The following KAZN variants were observed in gnomAD, a reference collection of about 807,000 sequenced individuals.
KAZN encodes kazrin.
A neutral mutation model predicts 87.4 loss-of-function variants in KAZN; 40 were observed. The observed-to-expected ratio is 0.46, with a 90% CI of 0.36 to 0.60. The LOEUF is 0.60. Ranked by LOEUF, KAZN falls within the 20% of genes least tolerant of loss-of-function variation. The pLI is 0.00. For synonymous variants in KAZN, 466 were observed against 458.3 expected, an observed-to-expected ratio of 1.02 and a Z score of -0.22; for missense variants, 898 against 1,073.9, an observed-to-expected ratio of 0.84 and a Z score of 2.29.
At chr1:15,031,319 C>T (rs1181136615) in intron 2 of KAZN, among the ~76,000 whole-genome samples, 1 of 152,244 alleles carries the variant, frequency 6.6e-6, no homozygotes, top group Non-Finnish European at 1.5e-5. Context: ...CCCACCACCA[C>T]CTCCACAACT....
At chr1:14,268,230 G>T (rs1203110627) in intron 2 of KAZN, among the ~76,000 whole-genome samples, 1 of 152,186 alleles carries the variant, frequency 6.6e-6, no homozygotes, top group African/African-American at 2.4e-5. Flanking sequence ...GAAGATATTT[G>T]CACAGTGCCT....
chr1:14,388,481 C>T (rs370212811), intron 2 of KAZN, among the ~76,000 whole-genome samples: 2 of 152,128 alleles, frequency 1.3e-5, no homozygotes, highest in South Asian at 2.1e-4. Context: ...GTAGCCAAAA[C>T]AGTACAGTAC....
intron 2 of KAZN, among the ~76,000 whole-genome samples, chr1:14,507,056 T>C (rs1670622957): frequency 6.6e-6 from 1 of 152,212 alleles, no homozygotes; most frequent in African/African-American, 2.4e-5. Flanking sequence ...TTTGCCTTCT[T>C]CCACAATCTG....
chr1:13,958,031 T>C (rs1208359531), intron 1 of KAZN, among the ~76,000 whole-genome samples: 1 of 152,210 alleles, frequency 6.6e-6, no homozygotes, highest in African/African-American at 2.4e-5. Flanking sequence ...GGTTATTGAA[T>C]AGGCATGTGC....
intron 1 of KAZN, among the ~76,000 whole-genome samples, chr1:14,919,444 T>A (rs139727676): frequency 6.6e-4 from 100 of 152,358 alleles, no homozygotes; most frequent in South Asian, 2.5e-3. Context: ...CCCGAAGTGC[T>A]GGGATTACAG....
At chr1:14,443,282 C>T (rs992060848) in intron 2 of KAZN, among the ~76,000 whole-genome samples, 25 of 152,232 alleles carry the variant, frequency 1.6e-4, no homozygotes, top group Admixed American at 1.6e-3. Context: ...GGGATTTCTG[C>T]ACCATGAGAT....
At chr1:14,277,671 A>AT (rs1216578124) in intron 2 of KAZN, among the ~76,000 whole-genome samples, 35 of 140,090 alleles carry the variant, frequency 2.5e-4, no homozygotes, top group Non-Finnish European at 1.0e-4. Context: ...TGAAAAAAAA[A>AT]AAAAAAGAAA....
At chr1:13,968,441 C>A (rs1431656439) in intron 1 of KAZN, among the ~76,000 whole-genome samples, 1 of 152,200 alleles carries the variant, frequency 6.6e-6, no homozygotes, top group East Asian at 1.9e-4. Flanking sequence ...ACTGTACCCA[C>A]CTTTAACTCC....
chr1:14,190,830 C>T (rs903417652), intron 2 of KAZN, among the ~76,000 whole-genome samples: 1 of 152,038 alleles, frequency 6.6e-6, no homozygotes, highest in African/African-American at 2.4e-5. Flanking sequence ...CTGGGCTCAT[C>T]CCAGAACAGC....
chr1:14,086,816 C>G (rs1170172969), intron 1 of KAZN, among the ~76,000 whole-genome samples: 2 of 152,124 alleles, frequency 1.3e-5, no homozygotes, highest in Admixed American at 1.3e-4. Flanking sequence ...TATCTTTTCT[C>G]CATTGAATTG....
At chr1:15,046,691 G>T (rs1273318885) in intron 4 of KAZN, among the ~76,000 whole-genome samples, 1 of 152,220 alleles carries the variant, frequency 6.6e-6, no homozygotes, top group Admixed American at 6.5e-5. Flanking sequence ...GCCTAGCCTA[G>T]GTCTCCTTGT....
intron 2 of KAZN, among the ~76,000 whole-genome samples, chr1:14,468,102 T>C (rs911940217): frequency 6.6e-6 from 1 of 152,198 alleles, no homozygotes; most frequent in Admixed American, 6.5e-5. Flanking sequence ...CTTAGCTGGC[T>C]AATAAACCAC....
chr1:14,330,749 T>G (rs1656794370), intron 2 of KAZN, among the ~76,000 whole-genome samples: 1 of 152,040 alleles, frequency 6.6e-6, no homozygotes, highest in Admixed American at 6.6e-5. Flanking sequence ...ATTCTAAGCA[T>G]GAATGCGTGG....
At chr1:14,214,610 C>T (rs1004953932) in intron 2 of KAZN, among the ~76,000 whole-genome samples, 2 of 151,962 alleles carry the variant, frequency 1.3e-5, no homozygotes, top group African/African-American at 2.4e-5. Context: ...TATCTAAACA[C>T]AATAAAGGGG....
chr1:14,790,080 G>T (rs7536655), intron 1 of KAZN, among the ~76,000 whole-genome samples: 1 of 151,450 alleles, frequency 6.6e-6, no homozygotes, highest in Non-Finnish European at 1.5e-5. Context: ...TTGACTCACC[G>T]CAACCTCCGC....
rs552053128 is a variant in KAZN at position 14,855,701 on chromosome 1, G to A, written c.227-104983G>A. On this transcript the variant is annotated intron_variant, in intron 1 of 14. Coordinates refer to ENST00000376030, the MANE Select transcript of KAZN (RefSeq NM_201628.3). Reference sequence around the variant, plus strand: ...CATATTGAACTGCTCCTATGTGCTGGGCACTTTGAATAACCCAGTGAAAAT... The same window carrying A: ...CATATTGAACTGCTCCTATGTGCTGAGCACTTTGAATAACCCAGTGAAAAT... 2.6e-4 allele frequency among the ~76,000 whole-genome samples: 40 copies of A among 152,284 alleles called. No homozygotes were observed. The East Asian group carries it at 5.6e-3, about 21-fold the overall frequency.
At chr1:14,728,335 T>C (rs1223098314) in intron 1 of KAZN, among the ~76,000 whole-genome samples, 1 of 146,658 alleles carries the variant, frequency 6.8e-6, no homozygotes, top group Non-Finnish European at 1.5e-5. Flanking sequence ...CCACTGCTGA[T>C]CTGACAACAG....
intron 2 of KAZN, among the ~76,000 whole-genome samples, chr1:14,457,794 A>G (rs1050357108): frequency 2.6e-5 from 4 of 151,482 alleles, no homozygotes; most frequent in African/African-American, 9.7e-5. Context: ...GAAGTGTAGA[A>G]TATTCTTTTT....
chr1:14,115,677 A>G (rs1360359824), intron 1 of KAZN, among the ~76,000 whole-genome samples: 1 of 152,204 alleles, frequency 6.6e-6, no homozygotes, highest in Non-Finnish European at 1.5e-5. Flanking sequence ...CTGAAAAAAT[A>G]CCCGAAAATG....
Sources: gnomAD v4.1 joint callset for allele counts (sites outside exome capture counted in the v4.1 genomes callset) on GRCh38, gnomAD v4.1.1 for gene constraint, MANE v1.5 for transcripts, NCBI Gene and HGNC (gene_info 2026-07-23, HGNC 2026-07-21) for gene names.